Variants in FOXN3 observed in about 807,000 individuals in gnomAD.
The protein encoded by FOXN3 is forkhead box protein N3.
In FOXN3, 7 loss-of-function variants were observed where a neutral mutation model predicts 38.4. That is an observed-to-expected ratio of 0.18 (90% CI 0.10 to 0.34). FOXN3 has a LOEUF of 0.34. Ranked by LOEUF, FOXN3 falls within the 10% of genes least tolerant of loss-of-function variation. The probability of loss-of-function intolerance (pLI) is 1.00; values close to 1 mark genes in which losing one functional copy is unlikely to be tolerated. For missense variants in FOXN3, 456 were observed against 613.4 expected (o/e 0.74, Z 2.71); for synonymous variants, 230 against 242.2 (o/e 0.95, Z 0.47).
chr14:89,530,527 G>C (rs1347705272), intron 1 of FOXN3, among the ~76,000 whole-genome samples: 2 of 152,100 alleles, frequency 1.3e-5, no homozygotes, highest in Non-Finnish European at 2.9e-5. Context: ...TACAATTCAA[G>C]ATAAGATTTG....
chr14:89,477,961 A>G (rs1893245583), intron 1 of FOXN3, among the ~76,000 whole-genome samples: 1 of 152,068 alleles, frequency 6.6e-6, no homozygotes, highest in Non-Finnish European at 1.5e-5. Flanking sequence ...GAGCTTCCAC[A>G]AGGCCTTCAA....
intron 3 of FOXN3, among the ~76,000 whole-genome samples, chr14:89,322,473 T>C (rs183127801): frequency 2.6e-4 from 39 of 152,174 alleles, no homozygotes; most frequent in Admixed American, 1.6e-3. Flanking sequence ...AAAGTGTAAA[T>C]GCCAGGACAG....
intron 2 of FOXN3, among the ~76,000 whole-genome samples, chr14:89,401,271 G>A (rs1041291637): frequency 2.0e-5 from 3 of 152,050 alleles, no homozygotes; most frequent in Non-Finnish European, 2.9e-5. Context: ...GTGAAACCCC[G>A]TTTTCACTAA....
chr14:89,360,505 A>T (rs570430401), intron 2 of FOXN3, among the ~76,000 whole-genome samples: 69 of 144,144 alleles, frequency 4.8e-4, no homozygotes, highest in African/African-American at 1.7e-3. Flanking sequence ...AGGGAGGGAA[A>T]AACGGTGAGA....
chr14:89,578,973 G>A lies in FOXN3; in HGVS notation c.-15+40055C>T, dbSNP rs763431097. 3.3e-5 allele frequency among the ~76,000 whole-genome samples: 5 copies of A among 152,104 alleles called. No homozygotes were observed. In the South Asian group the frequency reaches 1.0e-3, roughly 32 times the overall value. Reference sequence around the variant, plus strand: ...AGTGACCCTCTCACCTCAGCCACCTGAGTATCCGGGACTATAGTCACATGC... The same window carrying A: ...AGTGACCCTCTCACCTCAGCCACCTAAGTATCCGGGACTATAGTCACATGC... On this transcript the variant is annotated intron_variant, in intron 1 of 6. Coordinates refer to the FOXN3 transcript ENST00000345097.
chr14:89,503,093 T>G (rs984191232), intron 1 of FOXN3, among the ~76,000 whole-genome samples: 1 of 152,242 alleles, frequency 6.6e-6, no homozygotes, highest in Non-Finnish European at 1.5e-5. Flanking sequence ...AAAATTTTGC[T>G]GAGAGGACAC....
chr14:89,362,786 C>A (rs139508566), intron 2 of FOXN3, among the ~76,000 whole-genome samples: 6,953 of 111,218 alleles, frequency 0.063, 48 homozygotes, highest in East Asian at 0.092. Flanking sequence ...ACCACCACCA[C>A]CACCATCTCC....
chr14:89,212,431 T>C (rs755744562), intron 4 of FOXN3, among the ~76,000 whole-genome samples: 2 of 152,176 alleles, frequency 1.3e-5, no homozygotes, highest in Non-Finnish European at 2.9e-5. Flanking sequence ...CCCCTTTGGC[T>C]GTGTGAGTGG....
intron 3 of FOXN3, chr14:89,290,830 G>A (rs554967950): frequency 1.9e-5 from 5 of 269,880 alleles, no homozygotes; most frequent in Admixed American, 1.4e-4. Context: ...TGGTTAAACC[G>A]GGCAAATAAA....
intron 1 of FOXN3, chr14:89,576,313 TC>T (rs1182899091): frequency 6.6e-6 from 1 of 152,220 alleles, no homozygotes; most frequent in Non-Finnish European, 1.5e-5. Context: ...CCCTGCGTAC[TC>T]ATGTGATTTC....
intron 1 of FOXN3, among the ~76,000 whole-genome samples, chr14:89,498,591 G>C (rs1893735504): frequency 6.6e-6 from 1 of 152,046 alleles, no homozygotes; most frequent in Non-Finnish European, 1.5e-5. Context: ...TCACAATTTG[G>C]GTTATTCCTG....
chr14:89,438,786 G>A (rs921038334), intron 1 of FOXN3, among the ~76,000 whole-genome samples: 8 of 149,134 alleles, frequency 5.4e-5, no homozygotes, highest in African/African-American at 2.0e-4. Context: ...TTTTTGAGAC[G>A]ATGTTTCACT....
chr14:89,214,574 G>C (rs1884210862), intron 4 of FOXN3, among the ~76,000 whole-genome samples: 1 of 152,216 alleles, frequency 6.6e-6, no homozygotes, highest in Non-Finnish European at 1.5e-5. Flanking sequence ...GTTGGTGATA[G>C]TCTTCACTCA....
intron 1 of FOXN3, among the ~76,000 whole-genome samples, chr14:89,485,719 C>T (rs751794920): frequency 6.6e-6 from 1 of 152,082 alleles, no homozygotes; most frequent in Non-Finnish European, 1.5e-5. Flanking sequence ...CCAATGGGCT[C>T]CACTCCAGGA....
chr14:89,498,075 A>C (rs1014140465), intron 1 of FOXN3, among the ~76,000 whole-genome samples: 3 of 152,110 alleles, frequency 2.0e-5, no homozygotes, highest in Non-Finnish European at 4.4e-5. Context: ...ATATCTGCTC[A>C]AGTCCTTTGC....
intron 2 of FOXN3, among the ~76,000 whole-genome samples, chr14:89,364,143 A>G (rs1890054290): frequency 6.6e-6 from 1 of 150,892 alleles, no homozygotes; most frequent in African/African-American, 2.4e-5. Context: ...AAGTACATAA[A>G]AGAGGGAAGA....
intron 3 of FOXN3, among the ~76,000 whole-genome samples, chr14:89,282,225 T>C (rs1886486100): frequency 6.6e-6 from 1 of 152,182 alleles, no homozygotes; most frequent in Admixed American, 6.5e-5. Flanking sequence ...ATCAAAATCA[T>C]GTCAAATGTG....
chr14:89,285,702 T>C (rs1177340884), intron 3 of FOXN3, among the ~76,000 whole-genome samples: 2 of 151,992 alleles, frequency 1.3e-5, no homozygotes, highest in African/African-American at 4.8e-5. Flanking sequence ...TAGAGGCTCA[T>C]GGAAGGAGGA....
intron 4 of FOXN3, among the ~76,000 whole-genome samples, chr14:89,195,935 A>G (rs1888087581): frequency 6.6e-6 from 1 of 152,152 alleles, no homozygotes; most frequent in Non-Finnish European, 1.5e-5. Flanking sequence ...GCATGCTGTC[A>G]TGGGTGCTGA....
Sources: gnomAD v4.1 joint callset for allele counts (sites outside exome capture counted in the v4.1 genomes callset) on GRCh38, gnomAD v4.1.1 for gene constraint, MANE v1.5 for transcripts, NCBI Gene and HGNC (gene_info 2026-07-23, HGNC 2026-07-21) for gene names.